Variants in OPCML observed in about 807,000 individuals in gnomAD.
OPCML encodes the protein opioid binding protein/cell adhesion molecule like, also known as opioid-binding protein/cell adhesion molecule.
In OPCML, 13 loss-of-function variants were observed where a neutral mutation model predicts 37.8. That is an observed-to-expected ratio of 0.34 (90% CI 0.22 to 0.55). The LOEUF is 0.55. OPCML is among the 20% of genes least tolerant of loss of function. The pLI is 0.91. For synonymous variants in OPCML, 176 were observed against 168.8 expected, an observed-to-expected ratio of 1.04 and a Z score of -0.33; for missense variants, 341 against 435.6, an observed-to-expected ratio of 0.78 and a Z score of 1.93.
chr11:132,916,965 A>G (rs987830328), intron 2 of OPCML, among the ~76,000 whole-genome samples: 2 of 152,096 alleles, frequency 1.3e-5, no homozygotes, highest in Non-Finnish European at 1.5e-5. Flanking sequence ...ATATGAAAGG[A>G]GCTTCCCATG....
chr11:133,526,137 C>T (rs1948486137), intron 1 of OPCML, among the ~76,000 whole-genome samples: 1 of 152,190 alleles, frequency 6.6e-6, no homozygotes, highest in African/African-American at 2.4e-5. Context: ...GCCTCTAGCA[C>T]CTACTTACTG....
At chr11:133,030,390 C>T (rs1947644514) in intron 1 of OPCML, among the ~76,000 whole-genome samples, 1 of 152,182 alleles carries the variant, frequency 6.6e-6, no homozygotes, top group Admixed American at 6.5e-5. Flanking sequence ...TAGAACTTAA[C>T]CCTGAAAGGT....
At chr11:133,145,651 G>A (rs760463238) in intron 1 of OPCML, among the ~76,000 whole-genome samples, 73 of 152,224 alleles carry the variant, frequency 4.8e-4, no homozygotes, top group Admixed American at 1.6e-3. Flanking sequence ...TAACCCTTAC[G>A]GCAGTACATA....
At chr11:132,944,156 C>T (rs971969495) in intron 1 of OPCML, among the ~76,000 whole-genome samples, 2 of 151,726 alleles carry the variant, frequency 1.3e-5, no homozygotes, top group African/African-American at 4.8e-5. Context: ...GAGAACGCGG[C>T]GCCCCTCGCA....
intron 2 of OPCML, among the ~76,000 whole-genome samples, chr11:132,920,461 G>T (rs1482403671): frequency 6.6e-6 from 1 of 152,162 alleles, no homozygotes; most frequent in Admixed American, 6.5e-5. Flanking sequence ...CATGTGAAAA[G>T]CTACATCAGT....
At chr11:132,994,284 T>C (rs9737546) in intron 1 of OPCML, among the ~76,000 whole-genome samples, 24,022 of 152,224 alleles carry the variant, frequency 0.16, 2,111 homozygotes, top group Non-Finnish European at 0.19. Flanking sequence ...ACTCGGGCTA[T>C]TAAAAAGCCC....
intron 1 of OPCML, among the ~76,000 whole-genome samples, chr11:132,993,204 C>T (rs1946813640): frequency 6.6e-6 from 1 of 152,136 alleles, no homozygotes; most frequent in Non-Finnish European, 1.5e-5. Flanking sequence ...AGGTATCTGC[C>T]CACCCGAGGT....
chr11:133,287,195 T>A (rs1354208563), intron 1 of OPCML, among the ~76,000 whole-genome samples: 3 of 152,008 alleles, frequency 2.0e-5, no homozygotes, highest in African/African-American at 4.8e-5. Flanking sequence ...GCAAAAAAGA[T>A]AAAGTAAAAT....
chr11:133,032,127 G>T (rs1947685959), intron 1 of OPCML, among the ~76,000 whole-genome samples: 1 of 152,140 alleles, frequency 6.6e-6, no homozygotes, highest in Non-Finnish European at 1.5e-5. Flanking sequence ...GTAAACAGAG[G>T]CTTCCTCTCA....
At chr11:132,600,730 C>T (rs1937812944) in intron 3 of OPCML, among the ~76,000 whole-genome samples, 1 of 148,750 alleles carries the variant, frequency 6.7e-6, no homozygotes. Context: ...GTTATTATAA[C>T]AGGTAAATTT....
chr11:133,420,820 A>G lies in OPCML; in HGVS notation c.61+111444T>C, dbSNP rs1247235048. On this transcript the variant is annotated intron_variant, in intron 1 of 7. Transcript: ENST00000524381. Reference sequence around the variant, plus strand: ...GTATTATTTGAAAACTAGAAGGAACATCGGGAGATTTCATGCCAAAATATT... The same window carrying G: ...GTATTATTTGAAAACTAGAAGGAACGTCGGGAGATTTCATGCCAAAATATT... The G allele has an allele frequency of 7.1e-6, 7 of 985,454 alleles. No homozygotes were observed. In the African/African-American group the frequency reaches 1.0e-4, roughly 15 times the overall value. The allele number at this position is 985,454 out of a possible 1,614,324, so 61.0% of individuals were successfully genotyped here.
chr11:133,423,045 T>C, intron 1 of OPCML: 1 of 985,416 alleles, frequency 1.0e-6, no homozygotes, highest in Non-Finnish European at 1.2e-6. Flanking sequence ...CTACTGTTCC[T>C]CTTACTTCCT....
chr11:133,048,751 G>C (rs1288379555), intron 1 of OPCML, among the ~76,000 whole-genome samples: 1 of 152,170 alleles, frequency 6.6e-6, no homozygotes, highest in Non-Finnish European at 1.5e-5. Flanking sequence ...GAGAGACACT[G>C]TCTTTCAAGA....
At chr11:132,770,914 G>A (rs1415635931) in intron 2 of OPCML, among the ~76,000 whole-genome samples, 1 of 152,190 alleles carries the variant, frequency 6.6e-6, no homozygotes, top group Admixed American at 6.5e-5. Flanking sequence ...AGGCAGCAGG[G>A]CCTTGATAGA....
At chr11:133,283,811 T>G (rs1220868571) in intron 1 of OPCML, among the ~76,000 whole-genome samples, 1 of 152,216 alleles carries the variant, frequency 6.6e-6, no homozygotes, top group Non-Finnish European at 1.5e-5. Flanking sequence ...ATGGGCTTCA[T>G]GCCTTAGAAA....
intron 2 of OPCML, among the ~76,000 whole-genome samples, chr11:132,831,121 A>G (rs760796785): frequency 1.3e-5 from 2 of 152,116 alleles, no homozygotes; most frequent in Non-Finnish European, 2.9e-5. Flanking sequence ...AACCTGTCTC[A>G]GTACATGTAC....
intron 1 of OPCML, among the ~76,000 whole-genome samples, chr11:133,149,457 G>T (rs1452893259): frequency 6.6e-6 from 1 of 152,190 alleles, no homozygotes; most frequent in Non-Finnish European, 1.5e-5. Flanking sequence ...CCCACTTAAA[G>T]TAAAACGAAG....
intron 2 of OPCML, among the ~76,000 whole-genome samples, chr11:132,703,669 T>C (rs1943919221): frequency 6.6e-6 from 1 of 152,160 alleles, no homozygotes; most frequent in South Asian, 2.1e-4. Flanking sequence ...GAGAGACTGA[T>C]CTAAAGAGAC....
At chr11:133,147,673 GC>G (rs1340505804) in intron 1 of OPCML, among the ~76,000 whole-genome samples, 1 of 152,088 alleles carries the variant, frequency 6.6e-6, no homozygotes, top group African/African-American at 2.4e-5. Context: ...GATGTAACCC[GC>G]CCTGCTCCCC....
Sources: allele counts gnomAD v4.1 joint callset (sites outside exome capture counted in the v4.1 genomes callset), GRCh38; gene constraint gnomAD v4.1.1; transcripts MANE v1.5; gene names NCBI Gene and HGNC (gene_info 2026-07-23, HGNC 2026-07-21).